OPN4: variants seen among roughly 807,000 people sequenced by gnomAD.
OPN4 encodes opsin 4.
Under a neutral mutation model 49.5 loss-of-function variants are expected in OPN4, and 43 were observed. That is an observed-to-expected ratio of 0.87 (90% CI 0.68 to 1.12). The LOEUF is 1.12. Ranked by LOEUF, OPN4 falls within the 50% of genes most tolerant of loss-of-function variation. The pLI is 0.00. For synonymous variants in OPN4, 263 were observed against 258.0 expected (o/e 1.02, Z -0.19); for missense variants, 657 against 643.9 (o/e 1.02, Z -0.22).
intron 6 of OPN4, 109 bp downstream of exon 6, chr10:86,660,168 C>T: frequency 8.2e-7 from 1 of 1,222,678 alleles, no homozygotes; most frequent in Non-Finnish European, 1.2e-6. Context: ...CATCCTCGCA[C>T]CCTAGGACCA....
intron 9 of OPN4, among the ~76,000 whole-genome samples, chr10:86,664,192 C>T (rs1485690721): frequency 1.3e-5 from 2 of 152,228 alleles, no homozygotes; most frequent in African/African-American, 2.4e-5. Flanking sequence ...CACTGTAGCA[C>T]CTGGCACATG....
chr10:86,658,053 T>A lies in OPN4; in HGVS notation c.312T>A (p.Pro104=), dbSNP rs755583201. The stretch of plus-strand genomic sequence containing the variant: ...CCAGGAGCAGAAGCCTCCGGACACC[T>A]GCCAACATGTTCATTATCAACCTCG... ...TFCRSRSLRT[P]ANMFIINLAV... Residue 104 remains proline (P), a synonymous_variant, in exon 3 of 10, where the codon CCT becomes CCA. Transcript: ENST00000241891. 5.6e-6 allele frequency: 9 copies of A among 1,613,422 alleles called. No individual in the cohort carries two copies. The highest frequency in any genetic ancestry group is 7.6e-6 in the Non-Finnish European group (9 of 1,180,012).
chr10:86,665,662 C>A (rs767801998), intron 9 of OPN4, 51 bp from the exon 10 acceptor site: 4 of 1,532,214 alleles, frequency 2.6e-6, no homozygotes, highest in Admixed American at 1.7e-5. Flanking sequence ...CGGGAGACTG[C>A]CCCCAGTGAA....
intron 2 of OPN4, among the ~76,000 whole-genome samples, chr10:86,657,422 G>A (rs906666595): frequency 2.0e-5 from 3 of 152,200 alleles, no homozygotes. Flanking sequence ...GTGGTGCACA[G>A]CCATCAGCTC....
chr10:86,657,711 G>A (rs1299476789), intron 2 of OPN4, among the ~76,000 whole-genome samples: 1 of 152,100 alleles, frequency 6.6e-6, no homozygotes, highest in Non-Finnish European at 1.5e-5. Flanking sequence ...AAGAGGAAAC[G>A]GACATGACCC....
At chr10:86,657,400 C>A (rs1316970546) in intron 2 of OPN4, among the ~76,000 whole-genome samples, 1 of 152,152 alleles carries the variant, frequency 6.6e-6, no homozygotes, top group Non-Finnish European at 1.5e-5. Context: ...GGTGAAAGTG[C>A]CTGGCCCGGC....
chr10:86,656,297 G>A lies in OPN4; in HGVS notation c.287G>A (p.Cys96Tyr). The change falls in exon 2 of 10, where the codon TGC becomes TAC. Residue 96 changes from cysteine to tyrosine, a missense_variant. By Grantham distance (194) the Cys-to-Tyr change is radical. Coordinates refer to ENST00000241891, the MANE Select transcript of OPN4 (RefSeq NM_033282.4). ...LGNLTVIYTF[C>Y]RSRSLRTPAN... ...AACCTGACGGTCATCTATACCTTCT[G>A]CAGGTGCCTGGTTGGTGGTGCTGGG... The A allele has an allele frequency of 5.0e-6, 8 of 1,595,540 alleles. No individual in the cohort carries two copies. The highest frequency in any genetic ancestry group is 6.0e-6 in the Non-Finnish European group (7 of 1,168,990).
intron 2 of OPN4, 82 bp from the exon 3 acceptor site, chr10:86,657,950 T>A: frequency 1.4e-6 from 2 of 1,457,886 alleles, no homozygotes; most frequent in Non-Finnish European, 1.9e-6. Flanking sequence ...TGTGTGCACA[T>A]GCATACCTGA....
chr10:86,663,696 C>T lies in OPN4; in HGVS notation c.1292C>T (p.Ala431Val). The change falls in exon 9 of 10, where the codon GCT becomes GTT. Residue 431 changes from alanine (A) to valine (V), a missense_variant. Physicochemically the swap from Ala to Val is moderately conservative, Grantham distance 64. Transcript: ENST00000241891. ...ATGGAGGCAGCAGCTGTGTGGGGAG[C>T]TGCCCAGCAAGCAAATGGGCGGTCC... ...THMEAAAVWGAAQQANGRSLY... is the reference protein window; with the variant it reads ...THMEAAAVWGVAQQANGRSLY... 1 of 1,569,342 alleles carries T rather than the reference C, an allele frequency of 6.4e-7. No individual in the cohort carries two copies. Among genetic ancestry groups the T allele is most frequent in the Non-Finnish European group, 8.7e-7 (1 of 1,155,850 alleles).
intron 2 of OPN4, chr10:86,657,370 T>C: frequency 3.0e-6 from 2 of 656,788 alleles, no homozygotes; most frequent in Non-Finnish European, 2.8e-6. Flanking sequence ...CAAAGATGGA[T>C]GATGACAGGA....
Position 86,665,758 on chromosome 10 carries a change from C to G in OPN4, c.*7C>G. ...CCAGGACCCCAGGATGTAGGACGCCCACTGGCTCTCCCTTTCTTCTGAGAC... is the reference window on the plus strand; with the variant it reads ...CCAGGACCCCAGGATGTAGGACGCCGACTGGCTCTCCCTTTCTTCTGAGAC... On this transcript the variant is annotated 3_prime_UTR_variant, in exon 10 of 10. Coordinates refer to ENST00000241891, the MANE Select transcript of OPN4 (RefSeq NM_033282.4). 6.2e-7 allele frequency: 1 copy of G among 1,611,494 alleles called. No homozygotes were observed. Among genetic ancestry groups the G allele is most frequent in the Non-Finnish European group, 8.5e-7 (1 of 1,177,764 alleles).
chr10:86,662,384 G>C lies in OPN4; in HGVS notation c.1206G>C (p.Trp402Cys), dbSNP rs754921140. Residue 402 changes from tryptophan (W) to cysteine (C), a missense_variant, in exon 8 of 10, where the codon TGG (tryptophan) becomes TGC (cysteine). Trp to Cys is a radical substitution (Grantham distance 215). Transcript: ENST00000241891. ...CCAGCCACACCTCCAACCTCAGCTGGATCTCCATACGGAGGCGCCAGGAGT... is the reference window on the plus strand; with the variant it reads ...CCAGCCACACCTCCAACCTCAGCTGCATCTCCATACGGAGGCGCCAGGAGT... Reference protein sequence around the residue: ...TLTSHTSNLSWISIRRRQESL... With the variant: ...TLTSHTSNLSCISIRRRQESL... The C allele has an allele frequency of 1.6e-5, 25 of 1,574,896 alleles. No homozygotes were observed. The highest frequency in any genetic ancestry group is 2.0e-5 in the Non-Finnish European group (23 of 1,161,278).
At position 86,654,912 on chromosome 10, in the gene OPN4, A is replaced by G. The variant is rs377706650; in HGVS notation, c.129A>G (p.Pro43=). The G allele has an allele frequency of 5.6e-6, 9 of 1,610,190 alleles. No homozygotes were observed. Among genetic ancestry groups the G allele is most frequent in the African/African-American group, 2.7e-5 (2 of 74,744 alleles). ...QSSISSLGRL[P]SISPTAPGTW... is the part of the protein sequence containing the mutation. ...GCATCTCCAGCCTGGGCCGGCTTCC[A>G]TCCATCAGTCCCACAGTAAGCCTGG... Residue 43 remains proline, a synonymous_variant, in exon 1 of 10, where the codon CCA becomes CCG. Transcript: ENST00000241891.
rs1242053024 is a variant in OPN4 at position 86,659,899 on chromosome 10, C to A, written c.805C>A (p.Leu269Ile). The change falls in exon 6 of 10, where the codon CTC becomes ATC. Residue 269 changes from leucine to isoleucine, a missense_variant. Coordinates refer to ENST00000241891, the MANE Select transcript of OPN4 (RefSeq NM_033282.4). ...FRAIRETGRA[L>I]QTFGACKGNG... ...TGGACGATGCGTCCTTCCTAGGGCT[C>A]TCCAGACCTTCGGGGCCTGCAAGGG... is the stretch of plus-strand genomic sequence containing the variant. 1 of 1,614,176 alleles carries A rather than the reference C, an allele frequency of 6.2e-7. No individual in the cohort carries two copies. Among genetic ancestry groups the A allele is most frequent in the Non-Finnish European group, 8.5e-7 (1 of 1,180,030 alleles).
intron 9 of OPN4, among the ~76,000 whole-genome samples, chr10:86,665,433 G>A (rs1238636855): frequency 2.0e-5 from 3 of 152,110 alleles, no homozygotes; most frequent in Admixed American, 6.5e-5. Context: ...GAAGAGAGGA[G>A]CGGATTGGAT....
rs762901409 is a variant in OPN4 at position 86,660,045 on chromosome 10, G to T, written c.951G>T (p.Leu317=). ...GGGCTCCCTATTCCGCTGTGGCCCTGGTGGCCTTTGCTGGGTAAGCAGTGG... is the reference window on the plus strand; with the variant it reads ...GGGCTCCCTATTCCGCTGTGGCCCTTGTGGCCTTTGCTGGGTAAGCAGTGG... The part of the protein sequence containing the change: ...LSWAPYSAVA[L]VAFAGYAHVL... The change falls in exon 6 of 10, where the codon CTG becomes CTT. Residue 317 remains leucine, a synonymous_variant. Transcript: ENST00000241891. 6.2e-7 allele frequency: 1 copy of T among 1,614,176 alleles called. No individual in the cohort carries two copies. Among genetic ancestry groups the T allele is most frequent in the Non-Finnish European group, 8.5e-7 (1 of 1,180,000 alleles).
Position 86,665,727 on chromosome 10 carries a change from C to G in OPN4, c.1413C>G (p.Ile471Met), listed in dbSNP as rs1156400971. The change falls in exon 10 of 10, where the codon ATC (isoleucine) becomes ATG (methionine). Residue 471 changes from isoleucine to methionine, a missense_variant. Physicochemically the swap from Ile to Met is conservative, Grantham distance 10 (BLOSUM62 1). Coordinates refer to ENST00000241891, the MANE Select transcript of OPN4 (RefSeq NM_033282.4). Reference sequence around the variant, plus strand: ...TTTGTTTGCAGACCAAGGGGCTGATCCCCAGCCAGGACCCCAGGATGTAGG... The same window carrying G: ...TTTGTTTGCAGACCAAGGGGCTGATGCCCAGCCAGGACCCCAGGATGTAGG... ...AETPGKTKGL[I>M]PSQDPRM 1.2e-6 allele frequency: 2 copies of G among 1,613,296 alleles called. No individual in the cohort carries two copies. The highest frequency in any genetic ancestry group is 1.7e-6 in the Non-Finnish European group (2 of 1,179,538).
At position 86,659,193 on chromosome 10, in the gene OPN4, C is replaced by A. The variant is rs1843941051; in HGVS notation, c.629-104C>A. On this transcript the variant is annotated intron_variant, in intron 4 of 9. Transcript: ENST00000241891. ...GCATGGGACAGGGCCAGGTCAGGGCCAGGGCTGTGTATGGGGACCCGAATG... is the reference window on the plus strand; with the variant it reads ...GCATGGGACAGGGCCAGGTCAGGGCAAGGGCTGTGTATGGGGACCCGAATG... 3.4e-6 allele frequency: 3 copies of A among 889,086 alleles called. No homozygotes were observed. The East Asian group carries it at 7.3e-5, about 22-fold the overall frequency. The allele number at this position is 889,086 out of a possible 1,614,324, so 55.1% of individuals were successfully genotyped here.
chr10:86,654,623 T>C lies in OPN4; in HGVS notation c.-161T>C, dbSNP rs1405682653. 1.0e-6 allele frequency: 1 copy of C among 986,044 alleles called. No homozygotes were observed. Among genetic ancestry groups the C allele is most frequent in the Non-Finnish European group, 1.5e-6 (1 of 676,150 alleles). 61.1% of individuals were successfully genotyped at this position (986,044 alleles called of 1,614,324 possible). A position where few individuals can be genotyped will look rare whatever the true frequency, so the allele number is the denominator to read the frequency against. The stretch of plus-strand genomic sequence containing the variant: ...AGCAACCGCCAGCCCCAAGAGCAGC[T>C]CCAGGCTGGATCTGCGCCGGACACA... On this transcript the variant is annotated 5_prime_UTR_variant, in exon 1 of 10. Transcript: ENST00000241891.
Sources: gnomAD v4.1 joint callset for allele counts (sites outside exome capture counted in the v4.1 genomes callset) on GRCh38, gnomAD v4.1.1 for gene constraint, MANE v1.5 for transcripts, NCBI Gene and HGNC (gene_info 2026-07-23, HGNC 2026-07-21) for gene names.